ZNF680: variants seen among roughly 807,000 people sequenced by gnomAD.
ZNF680 encodes the protein zinc finger protein 680.
Under a neutral mutation model 12.1 loss-of-function variants are expected in ZNF680, and 6 were observed. The observed-to-expected ratio is 0.49, with a 90% CI of 0.27 to 0.98. The LOEUF (loss-of-function observed/expected upper bound fraction) is 0.98. ZNF680 is among the 50% of genes least tolerant of loss of function. The probability of loss-of-function intolerance (pLI) is 0.12; values close to 1 mark genes in which losing one functional copy is unlikely to be tolerated. For synonymous variants in ZNF680, 170 were observed against 199.3 expected (o/e 0.85, Z 1.24); for missense variants, 561 against 616.3 (o/e 0.91, Z 0.95).
downstream of ZNF680, among the ~76,000 whole-genome samples, chr7:64,516,653 A>G (rs1051843716): frequency 6.6e-6 from 1 of 152,178 alleles, no homozygotes; most frequent in African/African-American, 2.4e-5. Flanking sequence ...CTAGCCAAAA[A>G]CCACAAACTA....
chr7:64,502,461 ATG>A, the ZNF680 span, among the ~76,000 whole-genome samples: 6 of 152,180 alleles, frequency 3.9e-5, no homozygotes, highest in African/African-American at 1.4e-4. Flanking sequence ...AGTTAGAAGT[ATG>A]TGTGTTACAC....
At chr7:64,539,077 G>A (rs1302612041) in intron 3 of ZNF680, among the ~76,000 whole-genome samples, 1 of 139,260 alleles carries the variant, frequency 7.2e-6, no homozygotes, top group Non-Finnish European at 1.5e-5. Context: ...ACTGCAGTGA[G>A]CCAAGATTGT....
chr7:64,521,988 G>A lies in ZNF680; in HGVS notation c.766C>T (p.His256Tyr). ...TTCTCTTCAATATGAATTTTCTTATGTTTAATAAGGGTTGAGGATTGGTTA... is the reference window on the plus strand; with the variant it reads ...TTCTCTTCAATATGAATTTTCTTATATTTAATAAGGGTTGAGGATTGGTTA... ...AFNQSSTLIK[H>Y]KKIHIEEKPF... is the part of the protein sequence containing the mutation. Residue 256 changes from histidine (H) to tyrosine (Y), a missense_variant, in exon 4 of 4, where the codon CAT (histidine) becomes TAT (tyrosine). Physicochemically the swap from His to Tyr is moderately conservative, Grantham distance 83 (BLOSUM62 2). Transcript: ENST00000309683. The A allele has an allele frequency of 6.2e-7, 1 of 1,612,598 alleles. No individual in the cohort carries two copies. The highest frequency in any genetic ancestry group is 8.5e-7 in the Non-Finnish European group (1 of 1,179,446).
intron 3 of ZNF680, among the ~76,000 whole-genome samples, chr7:64,531,656 A>G (rs1785893654): frequency 6.6e-6 from 1 of 152,024 alleles, no homozygotes; most frequent in Non-Finnish European, 1.5e-5. Flanking sequence ...AACCATGCAA[A>G]TACATGGAAA....
chr7:64,536,638 G>C (rs989222726), intron 3 of ZNF680, among the ~76,000 whole-genome samples: 1 of 152,008 alleles, frequency 6.6e-6, no homozygotes, highest in Non-Finnish European at 1.5e-5. Context: ...TGGAGAACAC[G>C]GACACCCACA....
chr7:64,560,056 T>C (rs1360537166), intron 1 of ZNF680, among the ~76,000 whole-genome samples: 1 of 151,948 alleles, frequency 6.6e-6, no homozygotes, highest in African/African-American at 2.4e-5. Flanking sequence ...CAAGAATCTA[T>C]GTAACTTCAC....
At chr7:64,556,967 C>T (rs1787447897) in intron 1 of ZNF680, among the ~76,000 whole-genome samples, 1 of 152,264 alleles carries the variant, frequency 6.6e-6, no homozygotes, top group African/African-American at 2.4e-5. Flanking sequence ...TACCATAAGG[C>T]GGGACGGGTA....
chr7:64,545,001 G>A (rs1399939528), intron 1 of ZNF680, among the ~76,000 whole-genome samples: 3 of 152,118 alleles, frequency 2.0e-5, no homozygotes, highest in African/African-American at 7.2e-5. Context: ...GCTCACGCCT[G>A]TAATCCCAGC....
chr7:64,507,562 G>C, the ZNF680 span, among the ~76,000 whole-genome samples: 1 of 151,316 alleles, frequency 6.6e-6, no homozygotes, highest in Non-Finnish European at 1.5e-5. Flanking sequence ...ACCCAGGCTG[G>C]AGTGCAATGG....
chr7:64,533,882 C>A (rs573410348), intron 3 of ZNF680, among the ~76,000 whole-genome samples: 2 of 152,170 alleles, frequency 1.3e-5, no homozygotes, highest in Non-Finnish European at 2.9e-5. Context: ...GCCAACTGAT[C>A]TTTCAGAAAG....
intron 3 of ZNF680, among the ~76,000 whole-genome samples, chr7:64,535,731 G>A (rs925783356): frequency 1.3e-5 from 2 of 151,906 alleles, no homozygotes; most frequent in Non-Finnish European, 2.9e-5. Context: ...ATCACTTGAG[G>A]TCAGGAGTTC....
At chr7:64,512,590 A>G in the ZNF680 span, among the ~76,000 whole-genome samples, 1 of 152,168 alleles carries the variant, frequency 6.6e-6, no homozygotes, top group Non-Finnish European at 1.5e-5. Context: ...TCTTAAAAAC[A>G]AGAACACCAC....
the ZNF680 span, among the ~76,000 whole-genome samples, chr7:64,507,505 A>G: frequency 6.9e-6 from 1 of 144,170 alleles, no homozygotes; most frequent in East Asian, 1.9e-4. Flanking sequence ...ATGTTATTCA[A>G]CTCAATTATT....
Position 64,520,852 on chromosome 7 carries a change from T to C in ZNF680, c.*309A>G. ...GTGTTATGTTTTCTGAAATTTCTTT[T>C]GACAGTAATTGCATTTATAATGCTT... is the stretch of plus-strand genomic sequence containing the variant. On this transcript the variant is annotated 3_prime_UTR_variant, in exon 4 of 4. Transcript: ENST00000309683. The C allele has an allele frequency of 4.5e-6, 1 of 219,904 alleles. No individual in the cohort carries two copies. The highest frequency in any genetic ancestry group is 1.1e-4 in the East Asian group (1 of 8,912). The allele number at this position is 219,904 out of a possible 1,614,324, so 13.6% of individuals were successfully genotyped here. A position where few individuals can be genotyped will look rare whatever the true frequency, so the allele number is the denominator to read the frequency against.
At chr7:64,555,733 A>AAAT (rs1562777171) in intron 1 of ZNF680, among the ~76,000 whole-genome samples, 2 of 87,532 alleles carry the variant, frequency 2.3e-5, no homozygotes, top group Non-Finnish European at 4.6e-5. Context: ...TGTAAAAAAA[A>AAAT]ATATATATAT....
At position 64,521,098 on chromosome 7, in the gene ZNF680, G is replaced by A; in HGVS notation, c.*63C>T. The A allele has an allele frequency of 2.0e-6, 3 of 1,477,318 alleles. No individual in the cohort carries two copies. The highest frequency in any genetic ancestry group is 2.7e-6 in the Non-Finnish European group (3 of 1,097,174). 91.5% of individuals were successfully genotyped at this position (1,477,318 alleles called of 1,614,324 possible). ...AGTGTAACAATCATTGGAAGGCTTT[G>A]TCAAATTCTTCACATTTTTAGGGTT... is the stretch of plus-strand genomic sequence containing the variant. On this transcript the variant is annotated 3_prime_UTR_variant, in exon 4 of 4. Transcript: ENST00000309683.
At chr7:64,531,617 C>T (rs1448838770) in intron 3 of ZNF680, among the ~76,000 whole-genome samples, 1 of 137,280 alleles carries the variant, frequency 7.3e-6, no homozygotes, top group East Asian at 2.0e-4. Flanking sequence ...AAAAAAAAAC[C>T]TAGAAATCAA....
At chr7:64,543,273 T>C (rs553120991) in intron 3 of ZNF680, among the ~76,000 whole-genome samples, 2 of 152,178 alleles carry the variant, frequency 1.3e-5, no homozygotes, top group Non-Finnish European at 1.5e-5. Flanking sequence ...AAGACTATAA[T>C]AATAAAAATA....
chr7:64,541,052 T>C (rs1452948638), intron 3 of ZNF680, among the ~76,000 whole-genome samples: 2 of 152,158 alleles, frequency 1.3e-5, no homozygotes, highest in African/African-American at 4.8e-5. Context: ...AGCAAAACAA[T>C]AGTCTTGCAT....
Sources: gnomAD v4.1 joint callset for allele counts (sites outside exome capture counted in the v4.1 genomes callset) on GRCh38, gnomAD v4.1.1 for gene constraint, MANE v1.5 for transcripts, NCBI Gene and HGNC (gene_info 2026-07-23, HGNC 2026-07-21) for gene names.